CDC37: variants seen among roughly 807,000 people sequenced by gnomAD.
CDC37 encodes cell division cycle 37, HSP90 cochaperone.
Under a neutral mutation model 46.9 loss-of-function variants are expected in CDC37, and 9 were observed. That is an observed-to-expected ratio of 0.19 (90% CI 0.12 to 0.33). The LOEUF is 0.33. Ranked by LOEUF, CDC37 falls within the 10% of genes least tolerant of loss-of-function variation. CDC37 has a pLI of 1.00. For missense variants in CDC37, 388 were observed against 514.6 expected, an observed-to-expected ratio of 0.75 and a Z score of 2.38; for synonymous variants, 193 against 191.0, an observed-to-expected ratio of 1.01 and a Z score of -0.09.
rs770114325 is a variant in CDC37 at position 10,393,090 on chromosome 19, G to C, written c.977C>G (p.Pro326Arg). Residue 326 changes from proline (P) to arginine (R), a missense_variant, in exon 7 of 8, where the codon CCC (proline) becomes CGC (arginine). Transcript: ENST00000222005. The surrounding 1 kb of genome is among the most constrained non-coding windows in gnomAD (Gnocchi z 4.9). ...MLQDAISKMD[P>R]TDAKYHMQRC... ...TGGGGCGCGGGGGTTACTCACGGTG[G>C]GGTCCATCTTGCTGATGGCGTCCTG... 10 of 1,613,844 alleles carry C rather than the reference G, an allele frequency of 6.2e-6. No individual in the cohort carries two copies. Among genetic ancestry groups the C allele is most frequent in the Non-Finnish European group, 8.5e-7 (1 of 1,179,856 alleles).
At position 10,393,246 on chromosome 19, in the gene CDC37, C is replaced by T. The variant is rs374121595; in HGVS notation, c.909+13G>A. Reference sequence around the variant, plus strand: ...GGGTCTTCCTGCTGCCCGCCTGGGCCGGGGAGCCCCACCTCAGGGAGGGAC... The same window carrying T: ...GGGTCTTCCTGCTGCCCGCCTGGGCTGGGGAGCCCCACCTCAGGGAGGGAC... On this transcript the variant is annotated intron_variant, in intron 6 of 7. Transcript: ENST00000222005. This position sits in a 1 kb window ranked among gnomAD's most constrained non-coding sequence, Gnocchi z 4.9. The T allele has an allele frequency of 2.5e-5, 40 of 1,612,418 alleles. No homozygotes were observed. Among genetic ancestry groups the T allele is most frequent in the Non-Finnish European group, 3.0e-5 (35 of 1,179,216 alleles).
Position 10,391,349 on chromosome 19 carries a change from C to A in CDC37, c.*202G>T. The A allele has an allele frequency of 1.6e-6, 1 of 627,158 alleles. No homozygotes were observed. Among genetic ancestry groups the A allele is most frequent in the Non-Finnish European group, 2.8e-6 (1 of 355,238 alleles). The allele number at this position is 627,158 out of a possible 1,614,324, so 38.8% of individuals were successfully genotyped here. On this transcript the variant is annotated 3_prime_UTR_variant, in exon 8 of 8. Transcript: ENST00000222005. ...TGATGGGGGGCTGCAGGCAGTGAAG[C>A]CCCTTGACTCAAAGCAGAGACTTGA...
At position 10,396,993 on chromosome 19, in the gene CDC37, G is replaced by T. The variant is rs1313019997; in HGVS notation, c.103-790C>A. ...ACCCGTGCCATCTGGGCTCCATGTT[G>T]CCTTAGCGAGGACCCCTTCCCCAAC... On this transcript the variant is annotated intron_variant, in intron 1 of 7. Coordinates refer to ENST00000222005, the MANE Select transcript of CDC37 (RefSeq NM_007065.4). The surrounding 1 kb of genome is among the most constrained non-coding windows in gnomAD (Gnocchi z 5.9). Among the ~76,000 whole-genome samples, 1 of 152,150 alleles carries T rather than the reference G, an allele frequency of 6.6e-6. No homozygotes were observed. Among genetic ancestry groups the T allele is most frequent in the Non-Finnish European group, 1.5e-5 (1 of 68,038 alleles).
Position 10,395,237 on chromosome 19 carries a change from C to G in CDC37, c.594G>C (p.Glu198Asp). Residue 198 changes from glutamate (E) to aspartate (D), a missense_variant, in exon 4 of 8, where the codon GAG (glutamate) becomes GAC (aspartate). Coordinates refer to ENST00000222005, the MANE Select transcript of CDC37 (RefSeq NM_007065.4). The part of the protein sequence containing the change: ...NYLVIWCIDL[E>D]VEEKCALMEQ... ...GGAAAGCTCCACTCACCTCCTCCAC[C>G]TCTAGGTCAATGCACCAAATGACCA... 4.3e-6 allele frequency: 7 copies of G among 1,614,092 alleles called. No homozygotes were observed. The highest frequency in any genetic ancestry group is 5.9e-6 in the Non-Finnish European group (7 of 1,179,990).
At chr19:10,395,397 C>T (rs751802744) in intron 3 of CDC37, 38 bp downstream of exon 3, 2 of 1,606,698 alleles carry the variant, frequency 1.2e-6, no homozygotes, top group Admixed American at 3.3e-5. Context: ...AAGGGCCTGC[C>T]TCGACCTTGC....
intron 1 of CDC37, 90 bp downstream of exon 1, chr19:10,403,288 G>A (rs2145422607): frequency 2.1e-6 from 2 of 956,944 alleles, no homozygotes; most frequent in East Asian, 2.5e-5. Flanking sequence ...AATCCTAGGT[G>A]TGAACAGCGG....
rs772075527 is a variant in CDC37, at chr19:10,395,974, C to A, written c.332G>T (p.Ser111Ile). ...KLEEMRKKEK[S>I]MPWNVDTLSK... is the part of the protein sequence containing the mutation. ...GAGCGTGTCCACGTTCCAGGGCATG[C>A]TCTTCTCCTTCTTGCGCATCTCCTC... The change falls in exon 2 of 8, where the codon AGC becomes ATC. Residue 111 changes from serine (S) to isoleucine (I), a missense_variant. By Grantham distance (142) the Ser-to-Ile change is moderately radical. Coordinates refer to ENST00000222005, the MANE Select transcript of CDC37 (RefSeq NM_007065.4). The A allele has an allele frequency of 6.5e-7, 1 of 1,539,022 alleles. No homozygotes were observed. The highest frequency in any genetic ancestry group is 8.8e-7 in the Non-Finnish European group (1 of 1,134,480).
Position 10,397,408 on chromosome 19 carries a change from A to C in CDC37, c.103-1205T>G, listed in dbSNP as rs548025556. Among the ~76,000 whole-genome samples the C allele has an allele frequency of 7.6e-4, 110 of 144,744 alleles. 1 individual carries two copies. The highest frequency in any genetic ancestry group is 2.7e-3 in the African/African-American group (104 of 38,896). The allele number at this position is 144,744 out of a possible 152,430, so 95.0% of individuals were successfully genotyped here. A position where few individuals can be genotyped will look rare whatever the true frequency, so the allele number is the denominator to read the frequency against. On this transcript the variant is annotated intron_variant, in intron 1 of 7. Coordinates refer to ENST00000222005, the MANE Select transcript of CDC37 (RefSeq NM_007065.4). ...GACTACAGGTGCACACAAACCACCAAGCCTGGCTTTTTTTTTTTTTTTTTT... is the reference window on the plus strand; with the variant it reads ...GACTACAGGTGCACACAAACCACCACGCCTGGCTTTTTTTTTTTTTTTTTT...
Position 10,395,990 on chromosome 19 carries a change from G to C in CDC37, c.316C>G (p.Arg106Gly). ...CAGGGCATGCTCTTCTCCTTCTTGC[G>C]CATCTCCTCCAGCTTCTGCTCCCAG... The part of the protein sequence containing the change: ...RSWEQKLEEM[R>G]KKEKSMPWNV... The change falls in exon 2 of 8, where the codon CGC (arginine) becomes GGC (glycine). Residue 106 changes from arginine to glycine, a missense_variant. Coordinates refer to ENST00000222005, the MANE Select transcript of CDC37 (RefSeq NM_007065.4). 6.2e-7 allele frequency: 1 copy of C among 1,612,662 alleles called. No individual in the cohort carries two copies. Among genetic ancestry groups the C allele is most frequent in the Non-Finnish European group, 8.5e-7 (1 of 1,179,790 alleles).
Position 10,391,474 on chromosome 19 carries a change from C to T in CDC37, c.*77G>A, listed in dbSNP as rs1470081331. ...GCAAGTAGAGGAAGTCAGGAGCGGG[C>T]GAGATGGCATCTATCTGTTTTCTGA... On this transcript the variant is annotated 3_prime_UTR_variant, in exon 8 of 8. Transcript: ENST00000222005. 8 of 1,563,874 alleles carry T rather than the reference C, an allele frequency of 5.1e-6. No homozygotes were observed. In the African/African-American group the frequency reaches 6.8e-5, roughly 13 times the overall value.
Position 10,403,384 on chromosome 19 carries a change from C to G in CDC37, c.96G>C (p.Arg32=). The change falls in exon 1 of 8, where the codon CGG becomes CGC. Residue 32 remains arginine, a synonymous_variant. Coordinates refer to ENST00000222005, the MANE Select transcript of CDC37 (RefSeq NM_007065.4). The part of the protein sequence containing the change: ...NIDTASLFRW[R]HQARVERMEQ... ...ATGGGCGCGCGCGCCTTACCTGATGCCGCCAGCGGAAGAGACTGGCCGTGT... is the reference window on the plus strand; with the variant it reads ...ATGGGCGCGCGCGCCTTACCTGATGGCGCCAGCGGAAGAGACTGGCCGTGT... 1.9e-6 allele frequency: 3 copies of G among 1,611,538 alleles called. No homozygotes were observed. The highest frequency in any genetic ancestry group is 2.5e-6 in the Non-Finnish European group (3 of 1,179,476).
intron 1 of CDC37, among the ~76,000 whole-genome samples, chr19:10,399,986 C>T (rs1196885379): frequency 2.0e-5 from 3 of 150,590 alleles, no homozygotes; most frequent in Admixed American, 1.3e-4. Flanking sequence ...CTCCCTTTCT[C>T]CACGATGGGC....
At chr19:10,392,488 TCAAA>T (rs1399440634) in intron 7 of CDC37, among the ~76,000 whole-genome samples, 2 of 152,030 alleles carry the variant, frequency 1.3e-5, no homozygotes, top group Non-Finnish European at 2.9e-5. Flanking sequence ...AGGAATAGGA[TCAAA>T]CAGTGTCCTA....
rs755303977 is a variant in CDC37 at position 10,393,445 on chromosome 19, T to C, written c.727-4A>G. On this transcript the variant is annotated splice_polypyrimidine_tract_variant and splice_region_variant and intron_variant, in intron 5 of 7. Coordinates refer to ENST00000222005, the MANE Select transcript of CDC37 (RefSeq NM_007065.4). This position sits in a 1 kb window ranked among gnomAD's most constrained non-coding sequence, Gnocchi z 4.9. ...CCATGTACTGGCGATCGGCTGTCTATGGGGGTTGGGCAGTGCTCACTGGAC... is the reference window on the plus strand; with the variant it reads ...CCATGTACTGGCGATCGGCTGTCTACGGGGGTTGGGCAGTGCTCACTGGAC... The C allele has an allele frequency of 2.5e-6, 4 of 1,609,220 alleles. No homozygotes were observed. The highest frequency in any genetic ancestry group is 3.4e-6 in the Non-Finnish European group (4 of 1,178,034).
In CDC37 at chr19:10,393,635, T is replaced by G; in HGVS notation, c.727-194A>C. On this transcript the variant is annotated intron_variant, in intron 5 of 7. Coordinates refer to ENST00000222005, the MANE Select transcript of CDC37 (RefSeq NM_007065.4). The surrounding 1 kb of genome is among the most constrained non-coding windows in gnomAD (Gnocchi z 4.9). Reference sequence around the variant, plus strand: ...CATCTGGCATTTGCCAAAGACCACCTGCTTGGGAGCCCTGCTCTACTGCAG... The same window carrying G: ...CATCTGGCATTTGCCAAAGACCACCGGCTTGGGAGCCCTGCTCTACTGCAG... 1.7e-6 allele frequency: 1 copy of G among 580,032 alleles called. No homozygotes were observed. Among genetic ancestry groups the G allele is most frequent in the Non-Finnish European group, 3.0e-6 (1 of 334,096 alleles). 35.9% of individuals were successfully genotyped at this position (580,032 alleles called of 1,614,324 possible).
chr19:10,391,397 A>C lies in CDC37; in HGVS notation c.*154T>G. 1.2e-6 allele frequency: 1 copy of C among 805,270 alleles called. No homozygotes were observed. The highest frequency in any genetic ancestry group is 2.1e-6 in the Non-Finnish European group (1 of 478,516). The allele number at this position is 805,270 out of a possible 1,614,324, so 49.9% of individuals were successfully genotyped here. A position where few individuals can be genotyped will look rare whatever the true frequency, so the allele number is the denominator to read the frequency against. Reference sequence around the variant, plus strand: ...TGAATGGGCGCTGGAGAGTGGAGACAGTGGAGAGGCCAGGGAGGGCTGGGC... The same window carrying C: ...TGAATGGGCGCTGGAGAGTGGAGACCGTGGAGAGGCCAGGGAGGGCTGGGC... On this transcript the variant is annotated 3_prime_UTR_variant, in exon 8 of 8. Transcript: ENST00000222005.
chr19:10,396,807 C>T lies in CDC37; in HGVS notation c.103-604G>A, dbSNP rs769162991. ...CTGGTCTTGAAGTCCTGGGTTCAAG[C>T]GATCCTTCCCTCTCGGCCTCCCAAA... On this transcript the variant is annotated intron_variant, in intron 1 of 7. Coordinates refer to ENST00000222005, the MANE Select transcript of CDC37 (RefSeq NM_007065.4). The surrounding 1 kb of genome is among the most constrained non-coding windows in gnomAD (Gnocchi z 5.9). Among the ~76,000 whole-genome samples, 67 of 152,122 alleles carry T rather than the reference C, an allele frequency of 4.4e-4. No individual in the cohort carries two copies. Among genetic ancestry groups the T allele is most frequent in the Admixed American group, 9.8e-4 (15 of 15,266 alleles).
chr19:10,400,083 G>A (rs1291251122), intron 1 of CDC37, among the ~76,000 whole-genome samples: 1 of 152,104 alleles, frequency 6.6e-6, no homozygotes, highest in African/African-American at 2.4e-5. Flanking sequence ...ACAACTGCCA[G>A]GGAGGCCGCA....
rs957003675 is a variant in CDC37 at position 10,396,685 on chromosome 19, C to T, written c.103-482G>A. Among the ~76,000 whole-genome samples, 7 of 152,180 alleles carry T rather than the reference C, an allele frequency of 4.6e-5. No homozygotes were observed. The highest frequency in any genetic ancestry group is 1.0e-4 in the Non-Finnish European group (7 of 68,022). The stretch of plus-strand genomic sequence containing the variant: ...CCCTGGGCTCAGGCGATCCTCCCAC[C>T]TCAGTCTCCCAAGTAGCTGGGACTA... On this transcript the variant is annotated intron_variant, in intron 1 of 7. Coordinates refer to ENST00000222005, the MANE Select transcript of CDC37 (RefSeq NM_007065.4). The surrounding 1 kb of genome is among the most constrained non-coding windows in gnomAD (Gnocchi z 5.9).
Sources: gnomAD v4.1 joint callset for allele counts (sites outside exome capture counted in the v4.1 genomes callset) on GRCh38, gnomAD v4.1.1 for gene constraint, Gnocchi (gnomAD v3.1) non-coding constraint, MANE v1.5 for transcripts, NCBI Gene and HGNC (gene_info 2026-07-23, HGNC 2026-07-21) for gene names.